TSNARE1: variants seen among roughly 807,000 people sequenced by gnomAD.
TSNARE1 encodes t-SNARE domain containing 1.
A neutral mutation model predicts 62.0 loss-of-function variants in TSNARE1; 49 were observed. The observed-to-expected ratio is 0.79, with a 90% CI of 0.63 to 1.00. The LOEUF (loss-of-function observed/expected upper bound fraction) is 1.00. Among genes scored for constraint, TSNARE1 ranks in the 50% least tolerant of loss-of-function variants. TSNARE1 has a pLI of 0.00. For synonymous variants in TSNARE1, 328 were observed against 294.4 expected, an observed-to-expected ratio of 1.11 and a Z score of -1.17; for missense variants, 755 against 700.1, an observed-to-expected ratio of 1.08 and a Z score of -0.88.
chr8:142,294,901 C>T (rs1418099883), intron 10 of TSNARE1, among the ~76,000 whole-genome samples: 2 of 152,208 alleles, frequency 1.3e-5, no homozygotes, highest in African/African-American at 2.4e-5. Context: ...CCATCTTCTC[C>T]CCCATCCAGA....
chr8:142,316,777 C>T (rs558979660), intron 7 of TSNARE1, among the ~76,000 whole-genome samples: 1 of 151,970 alleles, frequency 6.6e-6, no homozygotes, highest in Non-Finnish European at 1.5e-5. Flanking sequence ...TGGGGGCATG[C>T]AGTCTTCCAG....
At chr8:142,266,308 C>G (rs181383108) in intron 12 of TSNARE1, among the ~76,000 whole-genome samples, 1 of 152,326 alleles carries the variant, frequency 6.6e-6, no homozygotes, top group Non-Finnish European at 1.5e-5. Flanking sequence ...TACACATTTA[C>G]CAATTTCTTG....
At chr8:142,323,997 G>A (rs1829854814) in intron 6 of TSNARE1, among the ~76,000 whole-genome samples, 1 of 152,298 alleles carries the variant, frequency 6.6e-6, no homozygotes, top group South Asian at 2.1e-4. Context: ...ACCCGCCCTG[G>A]ACTGCTTCAG....
At chr8:142,212,515 G>A (rs894770360) in intron 13 of TSNARE1, among the ~76,000 whole-genome samples, 23 of 151,938 alleles carry the variant, frequency 1.5e-4, no homozygotes, top group Non-Finnish European at 2.5e-4. Flanking sequence ...CAGGCTCCAC[G>A]CAGGCCTCGG....
At chr8:142,339,417 C>T (rs957759485) in intron 4 of TSNARE1, among the ~76,000 whole-genome samples, 3 of 151,886 alleles carry the variant, frequency 2.0e-5, no homozygotes, top group African/African-American at 7.3e-5. Flanking sequence ...GGACCTATAC[C>T]GTGGATGAGG....
intron 1 of TSNARE1, among the ~76,000 whole-genome samples, chr8:142,359,357 T>A (rs570973054): frequency 6.6e-6 from 1 of 152,072 alleles, no homozygotes; most frequent in South Asian, 2.1e-4. Flanking sequence ...GCTGGCCCGG[T>A]CCAGTGCATC....
At position 142,300,390 on chromosome 8, in the gene TSNARE1, C is replaced by T. The variant is rs1417418226; in HGVS notation, c.1290+96G>A. On this transcript the variant is annotated intron_variant, in intron 10 of 13. Transcript: ENST00000524325. Reference sequence around the variant, plus strand: ...AGTTCCAGCCCCTCCAGGTCAAGGGCAAGCAATGGTGCAGCAGGCTGGCAC... The same window carrying T: ...AGTTCCAGCCCCTCCAGGTCAAGGGTAAGCAATGGTGCAGCAGGCTGGCAC... 2.8e-6 allele frequency: 4 copies of T among 1,418,928 alleles called. No individual in the cohort carries two copies. In the Admixed American group the frequency reaches 6.6e-5, roughly 23 times the overall value. 87.9% of individuals were successfully genotyped at this position (1,418,928 alleles called of 1,614,324 possible).
At chr8:142,233,607 C>T (rs1817233665) in intron 12 of TSNARE1, among the ~76,000 whole-genome samples, 2 of 152,210 alleles carry the variant, frequency 1.3e-5, no homozygotes. Context: ...GGCTGGTGAC[C>T]AGGCCCAGAC....
intron 12 of TSNARE1, among the ~76,000 whole-genome samples, chr8:142,267,197 A>G (rs1819177578): frequency 6.6e-6 from 1 of 152,194 alleles, no homozygotes; most frequent in South Asian, 2.1e-4. Flanking sequence ...GGCTTTCCCC[A>G]TTACAGACCA....
intron 9 of TSNARE1, among the ~76,000 whole-genome samples, chr8:142,308,949 C>T (rs866203082): frequency 2.0e-5 from 3 of 152,144 alleles, no homozygotes; most frequent in Admixed American, 6.6e-5. Flanking sequence ...GCAACCCCTC[C>T]GTGGTTTAGG....
chr8:142,381,474 C>T (rs1339512240), intron 1 of TSNARE1, among the ~76,000 whole-genome samples: 2 of 152,098 alleles, frequency 1.3e-5, no homozygotes, highest in East Asian at 3.9e-4. Flanking sequence ...CAGCGCCCCC[C>T]CCCACCCCAC....
At chr8:142,239,180 C>T (rs1006939400) in intron 12 of TSNARE1, among the ~76,000 whole-genome samples, 1 of 152,176 alleles carries the variant, frequency 6.6e-6, no homozygotes, top group Non-Finnish European at 1.5e-5. Context: ...AGCCAGAAAA[C>T]TGAGTTCAAG....
In TSNARE1 at chr8:142,291,146, G is replaced by A. The variant is rs1428214730; in HGVS notation, c.1291-6661C>T. ...TGGGGATTAAGTCACTGGCTCCTGG[G>A]GCGCTGGCTCTTTCCATGCCTGGCT... On this transcript the variant is annotated intron_variant, in intron 10 of 13. Coordinates refer to ENST00000524325, the MANE Select transcript of TSNARE1 (RefSeq NM_145003.5). This position sits in a 1 kb window ranked among gnomAD's most constrained non-coding sequence, Gnocchi z 4.8. Among the ~76,000 whole-genome samples, 2 of 152,010 alleles carry A rather than the reference G, an allele frequency of 1.3e-5. No homozygotes were observed. Among genetic ancestry groups the A allele is most frequent in the Non-Finnish European group, 2.9e-5 (2 of 68,018 alleles).
At chr8:142,334,623 C>T (rs1429656286) in intron 4 of TSNARE1, among the ~76,000 whole-genome samples, 2 of 152,082 alleles carry the variant, frequency 1.3e-5, no homozygotes, top group South Asian at 2.1e-4. Context: ...AGAATAAATA[C>T]ATATTTTTTA....
chr8:142,344,402 C>G lies in TSNARE1; in HGVS notation c.309G>C (p.Lys103Asn). 1 of 1,587,570 alleles carries G rather than the reference C, an allele frequency of 6.3e-7. No homozygotes were observed. Among genetic ancestry groups the G allele is most frequent in the Non-Finnish European group, 8.6e-7 (1 of 1,168,464 alleles). The change falls in exon 4 of 14, where the codon AAG (lysine) becomes AAC (asparagine). Residue 103 changes from lysine (K) to asparagine (N), a missense_variant. Physicochemically the swap from Lys to Asn is moderately conservative, Grantham distance 94 (BLOSUM62 0). Coordinates refer to ENST00000524325, the MANE Select transcript of TSNARE1 (RefSeq NM_145003.5). ...PTSSPTIGPR[K>N]DSAAGPHGRM... The stretch of plus-strand genomic sequence containing the variant: ...GGCCATGGGGCCCAGCAGCCGAGTC[C>G]TTCCTCGGGCCAATGGTGGGTGATG...
At chr8:142,267,332 T>G (rs1187926992) in intron 12 of TSNARE1, among the ~76,000 whole-genome samples, 1 of 152,240 alleles carries the variant, frequency 6.6e-6, no homozygotes, top group Non-Finnish European at 1.5e-5. Flanking sequence ...GACCTGGTGC[T>G]TATTCAGGCT....
At chr8:142,375,199 T>C (rs1334910402) in intron 1 of TSNARE1, among the ~76,000 whole-genome samples, 1 of 152,236 alleles carries the variant, frequency 6.6e-6, no homozygotes, top group Non-Finnish European at 1.5e-5. Context: ...CACATCTGCT[T>C]CTGGGTGCCC....
chr8:142,346,031 C>T (rs1833329239), intron 2 of TSNARE1, 139 bp from the exon 3 acceptor site: 1 of 928,550 alleles, frequency 1.1e-6, no homozygotes, highest in African/African-American at 1.7e-5. Context: ...GCCCTCCCTG[C>T]CTGCTATATC....
At chr8:142,217,333 A>AAGAG (rs765087708) in intron 13 of TSNARE1, among the ~76,000 whole-genome samples, 6 of 79,474 alleles carry the variant, frequency 7.5e-5, no homozygotes, top group African/African-American at 9.1e-5. Context: ...GAAAGAAAGA[A>AAGAG]AGAAAGAAAG....
Sources: gnomAD v4.1 joint callset for allele counts (sites outside exome capture counted in the v4.1 genomes callset) on GRCh38, gnomAD v4.1.1 for gene constraint, Gnocchi (gnomAD v3.1) non-coding constraint, MANE v1.5 for transcripts, NCBI Gene and HGNC (gene_info 2026-07-23, HGNC 2026-07-21) for gene names.